The following ST6GAL1 variants were observed in gnomAD, a reference collection of about 807,000 sequenced individuals.
The protein encoded by ST6GAL1 is beta-galactoside alpha-2,6-sialyltransferase 1.
In ST6GAL1, 20 loss-of-function variants were observed where a neutral mutation model predicts 38.0. The observed-to-expected ratio is 0.53, with a 90% CI of 0.37 to 0.77. ST6GAL1 has a LOEUF of 0.77. Ranked by LOEUF, ST6GAL1 falls within the 30% of genes least tolerant of loss-of-function variation. The probability of loss-of-function intolerance (pLI) is 0.00; values close to 1 mark genes in which losing one functional copy is unlikely to be tolerated. For missense variants in ST6GAL1, 432 were observed against 496.4 expected, an observed-to-expected ratio of 0.87 and a Z score of 1.23; for synonymous variants, 196 against 188.2, an observed-to-expected ratio of 1.04 and a Z score of -0.34.
chr3:187,001,714 T>G (rs1716622930), intron 2 of ST6GAL1, among the ~76,000 whole-genome samples: 1 of 152,118 alleles, frequency 6.6e-6, no homozygotes, highest in African/African-American at 2.4e-5. Flanking sequence ...TCTCAGCACT[T>G]TGGGAGGCCC....
chr3:187,067,081 C>CCT (rs1719178624), intron 5 of ST6GAL1, among the ~76,000 whole-genome samples: 1 of 93,036 alleles, frequency 1.1e-5, no homozygotes, highest in Admixed American at 1.2e-4. Flanking sequence ...TTCTTTCTTT[C>CCT]TTTTTTTTTT....
rs1419526570 is a variant in ST6GAL1, at chr3:187,075,855, C to G, written c.*52C>G. 1 of 1,602,646 alleles carries G rather than the reference C, an allele frequency of 6.2e-7. No individual in the cohort carries two copies. Among genetic ancestry groups the G allele is most frequent in the Admixed American group, 1.7e-5 (1 of 59,408 alleles). On this transcript the variant is annotated 3_prime_UTR_variant, in exon 8 of 8. Coordinates refer to ENST00000169298, the MANE Select transcript of ST6GAL1 (RefSeq NM_173216.2). This position sits in a 1 kb window ranked among gnomAD's most constrained non-coding sequence, Gnocchi z 4.1. ...AGGCATTAAATGAATGGTCTCTTGG[C>G]CACCCCAGCCTGGGAAGAACATTTT...
intron 1 of ST6GAL1, among the ~76,000 whole-genome samples, chr3:186,939,417 C>G (rs1201229937): frequency 6.6e-6 from 1 of 152,090 alleles, no homozygotes; most frequent in Non-Finnish European, 1.5e-5. Context: ...AGTAAGGAGG[C>G]CTTGCTGTGT....
At chr3:186,989,900 C>G (rs1219412740) in intron 2 of ST6GAL1, among the ~76,000 whole-genome samples, 1 of 152,230 alleles carries the variant, frequency 6.6e-6, no homozygotes, top group Non-Finnish European at 1.5e-5. Flanking sequence ...CCGGTCAACA[C>G]TCTTACTTCA....
chr3:186,969,057 T>C (rs554606292), intron 2 of ST6GAL1, among the ~76,000 whole-genome samples: 19 of 147,988 alleles, frequency 1.3e-4, no homozygotes, highest in South Asian at 8.7e-4. Flanking sequence ...TTTTCTTTTT[T>C]TTTTTTTTTT....
chr3:187,071,880 T>C (rs1203168374), intron 5 of ST6GAL1: 2 of 152,158 alleles, frequency 1.3e-5, no homozygotes, highest in Non-Finnish European at 2.9e-5. Context: ...GAGTTGATCC[T>C]GGATCCTTTT....
chr3:186,984,766 CCTT>C (rs1560150944), intron 2 of ST6GAL1, among the ~76,000 whole-genome samples: 7 of 27,362 alleles, frequency 2.6e-4, no homozygotes, highest in Middle Eastern at 0.018. Flanking sequence ...CTCCCTCCCT[CCTT>C]CCTTCCTTCC....
intron 2 of ST6GAL1, among the ~76,000 whole-genome samples, chr3:186,966,522 TC>T (rs1715123770): frequency 6.6e-6 from 1 of 152,174 alleles, no homozygotes; most frequent in Non-Finnish European, 1.5e-5. Flanking sequence ...ACGTGGTAGT[TC>T]CAAAATGCAG....
At chr3:187,046,288 C>T (rs1305186821) in intron 4 of ST6GAL1, among the ~76,000 whole-genome samples, 1 of 152,206 alleles carries the variant, frequency 6.6e-6, no homozygotes, top group Non-Finnish European at 1.5e-5. Flanking sequence ...AGCCTGGGAG[C>T]AGGCTGTATC....
Position 187,042,874 on chromosome 3 carries a change from G to T in ST6GAL1, c.171G>T (p.Gly57=), listed in dbSNP as rs1467650573. ...AGAGTCTGGGGAAATTGGCCATGGGGTCTGATTCCCAGTCTGTATCCTCAA... is the reference window on the plus strand; with the variant it reads ...AGAGTCTGGGGAAATTGGCCATGGGTTCTGATTCCCAGTCTGTATCCTCAA... ...VLKSLGKLAM[G]SDSQSVSSSS... Residue 57 remains glycine, a synonymous_variant, in exon 4 of 8, where the codon GGG becomes GGT. Transcript: ENST00000169298. 10 of 1,614,058 alleles carry T rather than the reference G, an allele frequency of 6.2e-6. No homozygotes were observed. Among genetic ancestry groups the T allele is most frequent in the African/African-American group, 1.3e-5 (1 of 74,918 alleles).
At chr3:186,931,364 G>C (rs1354209030) in intron 1 of ST6GAL1, 6 of 152,314 alleles carry the variant, frequency 3.9e-5, no homozygotes, top group African/African-American at 1.4e-4. Context: ...GGCGCCACTT[G>C]CTGGAAGAGG....
At chr3:186,984,785 TCCCTTCCTTCCTTCCTTCCA>T (rs1715832498) in intron 2 of ST6GAL1, among the ~76,000 whole-genome samples, 2 of 28,090 alleles carry the variant, frequency 7.1e-5, no homozygotes, top group Non-Finnish European at 1.6e-4. Flanking sequence ...CTTCCCTTCC[TCCCTTCCTTCCTTCCTTCCA>T]TCCTTCCTTC....
chr3:186,972,975 C>T lies in ST6GAL1; in HGVS notation c.-183+9049C>T, dbSNP rs190259554. Among the ~76,000 whole-genome samples, 169 of 152,236 alleles carry T rather than the reference C, an allele frequency of 1.1e-3. 1 individual carries two copies. Among genetic ancestry groups the T allele is most frequent in the African/African-American group, 3.7e-3 (155 of 41,532 alleles). On this transcript the variant is annotated intron_variant, in intron 2 of 7. Transcript: ENST00000169298. ...AGACCTGCATTGGCCATGGGCTCCCCAGTTGTGAGTGGGCTCAGGCTCTGG... is the reference window on the plus strand; with the variant it reads ...AGACCTGCATTGGCCATGGGCTCCCTAGTTGTGAGTGGGCTCAGGCTCTGG...
At chr3:187,028,088 A>G (rs1452051814) in intron 2 of ST6GAL1, among the ~76,000 whole-genome samples, 2 of 152,150 alleles carry the variant, frequency 1.3e-5, no homozygotes, top group African/African-American at 4.8e-5. Flanking sequence ...GAGTGGGTTC[A>G]AGTGAGAGTG....
chr3:186,934,022 G>A (rs1440243272), intron 1 of ST6GAL1, among the ~76,000 whole-genome samples: 1 of 152,216 alleles, frequency 6.6e-6, no homozygotes, highest in Non-Finnish European at 1.5e-5. Flanking sequence ...TTTAGGGGCT[G>A]CTTTGTATGA....
At chr3:186,979,548 C>G (rs891929803) in intron 2 of ST6GAL1, among the ~76,000 whole-genome samples, 1 of 152,110 alleles carries the variant, frequency 6.6e-6, no homozygotes, top group African/African-American at 2.4e-5. Flanking sequence ...GAAACAGAGA[C>G]AGGAGGAAGT....
chr3:186,948,529 GTGTGTGTGTGTGTGTGTGTGT>G (rs1714460919), intron 1 of ST6GAL1, among the ~76,000 whole-genome samples: 1 of 2,442 alleles, frequency 4.1e-4, no homozygotes, highest in South Asian at 0.014. Context: ...AGAAACTCTA[GTGTGTGTGTGTGTGTGTGTGT>G]GTGTGTGTGT....
Position 187,043,098 on chromosome 3 carries a change from G to T in ST6GAL1, c.395G>T (p.Gly132Val), listed in dbSNP as rs1718183137. The T allele has an allele frequency of 1.2e-6, 2 of 1,614,100 alleles. No individual in the cohort carries two copies. Residue 132 changes from glycine to valine, a missense_variant, in exon 4 of 8, where the codon GGC (glycine) becomes GTC (valine). Transcript: ENST00000169298. ...GTGTCCTACAAGGGGCCAGGACCAG[G>T]CATCAAGTTCAGTGCAGAGGCCCTG... ...YKVSYKGPGP[G>V]IKFSAEALRC...
intron 2 of ST6GAL1, among the ~76,000 whole-genome samples, chr3:187,018,995 G>T (rs1436027824): frequency 6.6e-6 from 1 of 152,178 alleles, no homozygotes; most frequent in Admixed American, 6.5e-5. Flanking sequence ...TTTGTTTTAT[G>T]CTAAACTTTT....
Sources: gnomAD v4.1 joint callset for allele counts (sites outside exome capture counted in the v4.1 genomes callset) on GRCh38, gnomAD v4.1.1 for gene constraint, Gnocchi (gnomAD v3.1) non-coding constraint, MANE v1.5 for transcripts, NCBI Gene and HGNC (gene_info 2026-07-23, HGNC 2026-07-21) for gene names.